The following CNTN4 variants were observed in gnomAD, a reference collection of about 807,000 sequenced individuals.
CNTN4 encodes contactin-4.
Under a neutral mutation model 122.5 loss-of-function variants are expected in CNTN4, and 77 were observed. That is an observed-to-expected ratio of 0.63 (90% CI 0.52 to 0.76). CNTN4 has a LOEUF of 0.76. Ranked by LOEUF, CNTN4 falls within the 30% of genes least tolerant of loss-of-function variation. The pLI is 0.00. For synonymous variants in CNTN4, 512 were observed against 447.0 expected (o/e 1.15, Z -1.83); for missense variants, 1,256 against 1,259.1 (o/e 1.00, Z 0.04).
intron 4 of CNTN4, among the ~76,000 whole-genome samples, chr3:2,679,685 A>T (rs1190362703): frequency 6.6e-6 from 1 of 152,176 alleles, no homozygotes; most frequent in Non-Finnish European, 1.5e-5. Flanking sequence ...TAGAAAAAGG[A>T]TGCATTAGCT....
chr3:2,903,343 A>T (rs2094195490), intron 12 of CNTN4, among the ~76,000 whole-genome samples: 1 of 152,198 alleles, frequency 6.6e-6, no homozygotes, highest in Non-Finnish European at 1.5e-5. Flanking sequence ...TGGAGGGAAT[A>T]AGAGCTGACT....
intron 4 of CNTN4, among the ~76,000 whole-genome samples, chr3:2,660,648 G>T (rs951895681): frequency 1.9e-4 from 29 of 152,176 alleles, no homozygotes; most frequent in African/African-American, 7.0e-4. Context: ...AAATAACATT[G>T]AATTATCTTC....
chr3:2,632,104 G>GTA (rs148199844), intron 4 of CNTN4, among the ~76,000 whole-genome samples: 17,734 of 150,280 alleles, frequency 0.12, 1,109 homozygotes, highest in South Asian at 0.22. Context: ...ATGTATGTAT[G>GTA]TATATATATA....
chr3:2,910,966 T>G (rs73007754), intron 12 of CNTN4, among the ~76,000 whole-genome samples: 26 of 152,184 alleles, frequency 1.7e-4, no homozygotes, highest in Non-Finnish European at 3.5e-4. Context: ...GTAGAAAAAT[T>G]TATGGCACTC....
At chr3:2,529,647 C>T (rs2077524948) in intron 3 of CNTN4, among the ~76,000 whole-genome samples, 1 of 152,096 alleles carries the variant, frequency 6.6e-6, no homozygotes, top group Admixed American at 6.6e-5. Flanking sequence ...TTGTTGGTTT[C>T]AAGGGATATG....
chr3:2,741,896 T>A (rs1270077322), intron 5 of CNTN4, among the ~76,000 whole-genome samples: 1 of 152,242 alleles, frequency 6.6e-6, no homozygotes, highest in Non-Finnish European at 1.5e-5. Flanking sequence ...TATTATGTTT[T>A]TAGATTTCCA....
intron 3 of CNTN4, among the ~76,000 whole-genome samples, chr3:2,343,055 G>A (rs2044266442): frequency 6.6e-6 from 1 of 152,248 alleles, no homozygotes; most frequent in Admixed American, 6.5e-5. Context: ...TGTGCAGTGA[G>A]TGGTGAATTT....
intron 10 of CNTN4, among the ~76,000 whole-genome samples, chr3:2,897,241 G>C (rs1313025520): frequency 6.6e-6 from 1 of 152,128 alleles, no homozygotes; most frequent in Non-Finnish European, 1.5e-5. Context: ...AAGAGACAAA[G>C]TGTGTCACAG....
intron 7 of CNTN4, among the ~76,000 whole-genome samples, chr3:2,845,887 G>A (rs969421256): frequency 6.6e-6 from 1 of 152,088 alleles, no homozygotes; most frequent in Non-Finnish European, 1.5e-5. Flanking sequence ...TTCATAACTT[G>A]GCTTTTTCAA....
chr3:2,585,229 A>C lies in CNTN4; in HGVS notation c.55+13671A>C, dbSNP rs573021818. ...GATGTGGAGAAATAGAAACACTTTT[A>C]CACTGTTGGTGGGACTGTAAACTAG... is the stretch of plus-strand genomic sequence containing the variant. On this transcript the variant is annotated intron_variant, in intron 4 of 24. Transcript: ENST00000418658. Among the ~76,000 whole-genome samples the C allele has an allele frequency of 2.0e-3, 303 of 152,172 alleles. 2 individuals are homozygous for C. Among genetic ancestry groups the C allele is most frequent in the Middle Eastern group, 6.8e-3 (2 of 294 alleles).
intron 13 of CNTN4, among the ~76,000 whole-genome samples, chr3:2,979,625 T>A (rs1412019458): frequency 6.6e-6 from 1 of 151,970 alleles, no homozygotes; most frequent in East Asian, 1.9e-4. Flanking sequence ...TTTTTTTTTT[T>A]AATTGCACAT....
At chr3:2,756,250 C>T (rs1485415971) in intron 6 of CNTN4, among the ~76,000 whole-genome samples, 2 of 152,162 alleles carry the variant, frequency 1.3e-5, no homozygotes, top group East Asian at 3.9e-4. Context: ...GAAATCCTAA[C>T]CCCAGTGTGA....
chr3:2,583,484 A>T (rs1294336146), intron 4 of CNTN4, among the ~76,000 whole-genome samples: 2 of 152,256 alleles, frequency 1.3e-5, no homozygotes, highest in Non-Finnish European at 2.9e-5. Context: ...TAGTTACATT[A>T]TAACATGTCT....
chr3:2,313,911 A>G (rs559574510), intron 2 of CNTN4, among the ~76,000 whole-genome samples: 2 of 152,148 alleles, frequency 1.3e-5, no homozygotes, highest in Admixed American at 1.3e-4. Flanking sequence ...AAAAAGGAAT[A>G]ACTGTAAAAT....
chr3:2,673,134 A>G (rs73805383), intron 4 of CNTN4, among the ~76,000 whole-genome samples: 2,692 of 152,294 alleles, frequency 0.018, 69 homozygotes, highest in African/African-American at 0.062. Context: ...GATGGAAAAT[A>G]CGCAATCTAT....
At chr3:2,575,281 G>A (rs767394306) in intron 4 of CNTN4, among the ~76,000 whole-genome samples, 1 of 152,116 alleles carries the variant, frequency 6.6e-6, no homozygotes, top group Non-Finnish European at 1.5e-5. Context: ...GGGAGGCAAA[G>A]CGGGCGGACC....
intron 15 of CNTN4, among the ~76,000 whole-genome samples, 190 bp downstream of exon 15, chr3:3,026,467 C>T (rs1461001215): frequency 2.0e-5 from 3 of 152,202 alleles, no homozygotes; most frequent in Admixed American, 2.0e-4. Context: ...AGGACTGCTC[C>T]CTAACTGGCA....
At chr3:2,230,386 G>A (rs1281179605) in intron 2 of CNTN4, among the ~76,000 whole-genome samples, 1 of 152,084 alleles carries the variant, frequency 6.6e-6, no homozygotes, top group African/African-American at 2.4e-5. Context: ...ATAAGAAGAG[G>A]GACTCAGAAG....
intron 4 of CNTN4, among the ~76,000 whole-genome samples, chr3:2,593,818 C>T (rs546674023): frequency 6.6e-6 from 1 of 152,220 alleles, no homozygotes; most frequent in South Asian, 2.1e-4. Flanking sequence ...GAAGTGGAGG[C>T]TATGTCATCA....
Sources: gnomAD v4.1 joint callset for allele counts (sites outside exome capture counted in the v4.1 genomes callset) on GRCh38, gnomAD v4.1.1 for gene constraint, MANE v1.5 for transcripts, NCBI Gene and HGNC (gene_info 2026-07-23, HGNC 2026-07-21) for gene names.